ESRRG: variants seen among roughly 807,000 people sequenced by gnomAD.
ESRRG encodes estrogen-related receptor gamma.
A neutral mutation model predicts 44.0 loss-of-function variants in ESRRG; 13 were observed. The ratio of observed to expected loss-of-function variants is 0.30; its 90% CI spans 0.19 to 0.47. The LOEUF (loss-of-function observed/expected upper bound fraction) is 0.47, where lower values mean the gene tolerates loss of function less well. Ranked by LOEUF, ESRRG falls within the 20% of genes least tolerant of loss-of-function variation. The probability of loss-of-function intolerance (pLI) is 1.00; values close to 1 mark genes in which losing one functional copy is unlikely to be tolerated. For missense variants in ESRRG, 395 were observed against 580.6 expected, an observed-to-expected ratio of 0.68 and a Z score of 3.29; for synonymous variants, 215 against 214.6, an observed-to-expected ratio of 1.00 and a Z score of -0.02.
chr1:217,029,298 A>G (rs368528254), intron 1 of ESRRG, among the ~76,000 whole-genome samples: 2 of 152,210 alleles, frequency 1.3e-5, no homozygotes, highest in African/African-American at 4.8e-5. Context: ...TTTTTAAAGT[A>G]GTCCATGAAA....
At chr1:216,883,336 G>A (rs374385678) in intron 2 of ESRRG, among the ~76,000 whole-genome samples, 1 of 137,442 alleles carries the variant, frequency 7.3e-6, no homozygotes. Flanking sequence ...AGTGAGCCGA[G>A]ATCTAGCCAT....
chr1:216,712,082 T>G (rs1229310720), intron 1 of ESRRG, among the ~76,000 whole-genome samples: 1 of 152,216 alleles, frequency 6.6e-6, no homozygotes, highest in African/African-American at 2.4e-5. Context: ...CACATCAATT[T>G]TTTAATTAAT....
At chr1:216,756,056 A>T in intron 2 of ESRRG, among the ~76,000 whole-genome samples, 1 of 151,982 alleles carries the variant, frequency 6.6e-6, no homozygotes, top group Non-Finnish European at 1.5e-5. Context: ...CCCCAGATAA[A>T]TCTAGCTTCT....
At chr1:216,614,622 A>G (rs2061159873) in intron 3 of ESRRG, among the ~76,000 whole-genome samples, 1 of 152,208 alleles carries the variant, frequency 6.6e-6, no homozygotes, top group Admixed American at 6.5e-5. Flanking sequence ...AAATGTCAGT[A>G]TCAAAATAAA....
intron 1 of ESRRG, among the ~76,000 whole-genome samples, chr1:217,049,320 C>T (rs1295340002): frequency 6.6e-6 from 1 of 152,164 alleles, no homozygotes; most frequent in Admixed American, 6.5e-5. Flanking sequence ...ATGAAGCCGG[C>T]ACAGTCTCCT....
intron 2 of ESRRG, among the ~76,000 whole-genome samples, chr1:216,916,021 T>C (rs753773752): frequency 7.2e-5 from 11 of 152,202 alleles, no homozygotes; most frequent in Non-Finnish European, 1.5e-5. Flanking sequence ...TTTGTGATTC[T>C]TTCTCTACCA....
intron 3 of ESRRG, among the ~76,000 whole-genome samples, chr1:216,632,358 AAAC>A (rs2064376292): frequency 6.6e-6 from 1 of 152,224 alleles, no homozygotes; most frequent in African/African-American, 2.4e-5. Context: ...ATAAGCAAGA[AAAC>A]AACCGTAATT....
intron 2 of ESRRG, among the ~76,000 whole-genome samples, chr1:216,876,212 C>T (rs908210482): frequency 2.0e-5 from 3 of 150,986 alleles, no homozygotes; most frequent in African/African-American, 7.3e-5. Flanking sequence ...ATTTTTTTAA[C>T]TGCAAGTGCT....
chr1:216,956,566 T>C (rs190568966), intron 1 of ESRRG, among the ~76,000 whole-genome samples: 23 of 152,332 alleles, frequency 1.5e-4, no homozygotes, highest in Admixed American at 5.2e-4. Context: ...TTCCTTTTAG[T>C]ATTTCTCTGG....
chr1:216,736,176 A>AT (rs34469625), intron 2 of ESRRG, among the ~76,000 whole-genome samples: 2,183 of 82,672 alleles, frequency 0.026, 96 homozygotes, highest in African/African-American at 0.053. Flanking sequence ...GTTAAGGACT[A>AT]TTTTTTTTTT....
Position 216,617,924 on chromosome 1 carries a change from C to T in ESRRG, c.589+33049G>A, listed in dbSNP as rs188809255. On this transcript the variant is annotated intron_variant, in intron 3 of 6. Coordinates refer to ENST00000408911, the MANE Select transcript of ESRRG (RefSeq NM_001438.4). ...AAAGATTTAAGTTCAAATCAACATG[C>T]ATTTATTCTATGGTACAGCAATATG... 3.4e-3 allele frequency among the ~76,000 whole-genome samples: 513 copies of T among 152,264 alleles called. 2 individuals are homozygous for T. Among genetic ancestry groups the T allele is most frequent in the Non-Finnish European group, 6.4e-3 (434 of 68,018 alleles).
intron 2 of ESRRG, among the ~76,000 whole-genome samples, chr1:216,858,363 G>A (rs912797787): frequency 6.6e-5 from 10 of 152,060 alleles, no homozygotes; most frequent in Non-Finnish European, 1.3e-4. Context: ...TGTGAACCTG[G>A]GAGGTGGAGC....
intron 1 of ESRRG, among the ~76,000 whole-genome samples, chr1:217,105,205 A>G (rs2092573821): frequency 6.6e-6 from 1 of 152,156 alleles, no homozygotes; most frequent in South Asian, 2.1e-4. Context: ...CCTAACTTCA[A>G]TAACTAAACT....
At chr1:217,111,201 T>C (rs1190116262) in intron 1 of ESRRG, among the ~76,000 whole-genome samples, 1 of 152,066 alleles carries the variant, frequency 6.6e-6, no homozygotes, top group African/African-American at 2.4e-5. Context: ...GGGCCCCCCT[T>C]ATCACTTCTT....
In ESRRG at chr1:216,822,226, A is replaced by C. The variant is rs551338106; in HGVS notation, c.-14+117356T>G. On this transcript the variant is annotated intron_variant, in intron 2 of 7. Coordinates refer to the ESRRG transcript ENST00000359162. The stretch of plus-strand genomic sequence containing the variant: ...ACATGTAAATATGCAGCTCTGTCCA[A>C]GTAGCTGTTCTAAAAGTCACTGTTG... Among the ~76,000 whole-genome samples, 75 of 152,338 alleles carry C rather than the reference A, an allele frequency of 4.9e-4. 1 individual carries two copies. Among genetic ancestry groups the C allele is most frequent in the African/African-American group, 1.7e-3 (72 of 41,580 alleles).
At chr1:216,537,142 G>T (rs1263981715) in intron 5 of ESRRG, among the ~76,000 whole-genome samples, 1 of 151,986 alleles carries the variant, frequency 6.6e-6, no homozygotes, top group Non-Finnish European at 1.5e-5. Context: ...AGGAAGGAGG[G>T]TGTCTAGGAG....
chr1:216,725,302 C>T (rs974816404), upstream of ESRRG, among the ~76,000 whole-genome samples: 1 of 151,962 alleles, frequency 6.6e-6, no homozygotes, highest in Non-Finnish European at 1.5e-5. Context: ...GTAGTAAAAG[C>T]TTAATTACCA....
chr1:216,981,475 C>T (rs1185213502), intron 1 of ESRRG, among the ~76,000 whole-genome samples: 1 of 151,930 alleles, frequency 6.6e-6, no homozygotes, highest in Non-Finnish European at 1.5e-5. Context: ...CATGAGGAGC[C>T]GATGAAGCAA....
At chr1:216,539,788 A>C (rs1378573913) in intron 5 of ESRRG, among the ~76,000 whole-genome samples, 3 of 152,072 alleles carry the variant, frequency 2.0e-5, no homozygotes, top group African/African-American at 7.2e-5. Context: ...TAGTTTTATA[A>C]TGGAATGTGC....
Sources: allele counts gnomAD v4.1 joint callset (sites outside exome capture counted in the v4.1 genomes callset), GRCh38; gene constraint gnomAD v4.1.1; transcripts MANE v1.5; gene names NCBI Gene and HGNC (gene_info 2026-07-23, HGNC 2026-07-21).